MBNL2: variants seen among roughly 807,000 people sequenced by gnomAD.
MBNL2 encodes the protein muscleblind like splicing regulator 2, also known as muscleblind-like protein 2.
A neutral mutation model predicts 41.9 loss-of-function variants in MBNL2; 17 were observed. That is an observed-to-expected ratio of 0.41 (90% CI 0.28 to 0.61). The LOEUF (loss-of-function observed/expected upper bound fraction) is 0.61, where lower values mean the gene tolerates loss of function less well. Ranked by LOEUF, MBNL2 falls within the 20% of genes least tolerant of loss-of-function variation. The probability of loss-of-function intolerance (pLI) is 0.35; values close to 1 mark genes in which losing one functional copy is unlikely to be tolerated. For missense variants in MBNL2, 336 were observed against 505.6 expected (o/e 0.66, Z 3.22); for synonymous variants, 195 against 182.9 (o/e 1.07, Z -0.53).
the MBNL2 span, among the ~76,000 whole-genome samples, chr13:97,156,876 C>T: frequency 7.9e-3 from 1,210 of 152,210 alleles, 14 homozygotes; most frequent in Non-Finnish European, 0.011. Flanking sequence ...CTTGGTGATG[C>T]GGGCTCTTTT....
chr13:97,183,239 T>C, the MBNL2 span, among the ~76,000 whole-genome samples: 3 of 152,336 alleles, frequency 2.0e-5, no homozygotes, highest in Admixed American at 2.0e-4. Context: ...TGTGTCTCTC[T>C]ATCCCAACAA....
chr13:97,324,811 CTTGGAGTCCGATG>C (rs1269843360), intron 2 of MBNL2, among the ~76,000 whole-genome samples: 1 of 152,164 alleles, frequency 6.6e-6, no homozygotes, highest in African/African-American at 2.4e-5. Context: ...AACCAAAGAA[CTTGGAGTCCGATG>C]TTCGAGGGAA....
At chr13:97,157,745 C>G in the MBNL2 span, among the ~76,000 whole-genome samples, 1 of 148,052 alleles carries the variant, frequency 6.8e-6, no homozygotes, top group African/African-American at 2.5e-5. Flanking sequence ...GGGATGAAGC[C>G]CACTTGATCA....
the MBNL2 span, among the ~76,000 whole-genome samples, chr13:97,152,743 TTTTCTTGCACC>T: frequency 3.9e-5 from 6 of 152,276 alleles, no homozygotes; most frequent in Admixed American, 6.5e-5. Flanking sequence ...GTTCAAAAAT[TTTTCTTGCACC>T]TTTCTTGCAC....
intron 2 of MBNL2, among the ~76,000 whole-genome samples, chr13:97,297,226 A>G (rs187913448): frequency 1.1e-3 from 162 of 152,232 alleles, no homozygotes; most frequent in African/African-American, 3.5e-3. Context: ...CCTAACATAC[A>G]TGAGGTTCTG....
At chr13:97,192,730 G>T in the MBNL2 span, among the ~76,000 whole-genome samples, 5 of 152,168 alleles carry the variant, frequency 3.3e-5, no homozygotes. Flanking sequence ...GTGGGCCCAG[G>T]AACCTGTGGC....
chr13:97,278,870 G>C (rs1349946321), intron 2 of MBNL2, among the ~76,000 whole-genome samples: 2 of 152,166 alleles, frequency 1.3e-5, no homozygotes. Context: ...ACAGGCACAG[G>C]AGTAAAATAG....
chr13:97,185,325 G>A, the MBNL2 span, among the ~76,000 whole-genome samples: 2 of 152,138 alleles, frequency 1.3e-5, no homozygotes, highest in Non-Finnish European at 2.9e-5. Flanking sequence ...GAAATACCTT[G>A]GAATGAGAAT....
chr13:97,225,989 AT>A (rs955919272), intron 1 of MBNL2, among the ~76,000 whole-genome samples: 21 of 150,070 alleles, frequency 1.4e-4, no homozygotes, highest in Non-Finnish European at 1.9e-4. Context: ...TTAACATACT[AT>A]TTTTTTTTCT....
chr13:97,368,508 G>A (rs2064058968), intron 8 of MBNL2, among the ~76,000 whole-genome samples: 1 of 152,102 alleles, frequency 6.6e-6, no homozygotes, highest in African/African-American at 2.4e-5. Context: ...AGCCTTTTGG[G>A]CACTTAGAGA....
At chr13:97,272,440 A>G (rs1684387398) in intron 1 of MBNL2, among the ~76,000 whole-genome samples, 2 of 152,174 alleles carry the variant, frequency 1.3e-5, no homozygotes, top group African/African-American at 4.8e-5. Flanking sequence ...CGCTGTGCAG[A>G]AGCTCTTTAG....
chr13:97,158,744 C>T, the MBNL2 span, among the ~76,000 whole-genome samples: 1 of 151,962 alleles, frequency 6.6e-6, no homozygotes, highest in African/African-American at 2.4e-5. Flanking sequence ...AGTTTGATTG[C>T]ACTGTGGTCT....
intron 8 of MBNL2, among the ~76,000 whole-genome samples, chr13:97,390,333 T>G (rs1199514952): frequency 3.3e-5 from 5 of 152,176 alleles, no homozygotes; most frequent in Non-Finnish European, 7.4e-5. Context: ...GATAATACAG[T>G]ATGCTTAGGA....
chr13:97,144,096 G>C, the MBNL2 span, among the ~76,000 whole-genome samples: 1 of 152,120 alleles, frequency 6.6e-6, no homozygotes, highest in Non-Finnish European at 1.5e-5. Context: ...TGCCTTCCTC[G>C]GCCTCCCAAA....
At chr13:97,172,030 T>C in the MBNL2 span, among the ~76,000 whole-genome samples, 2 of 152,186 alleles carry the variant, frequency 1.3e-5, no homozygotes, top group African/African-American at 2.4e-5. Flanking sequence ...TTATAAATTA[T>C]CCAGTCCTGG....
At chr13:97,300,360 C>T (rs1039924758) in intron 2 of MBNL2, among the ~76,000 whole-genome samples, 4 of 152,164 alleles carry the variant, frequency 2.6e-5, no homozygotes, top group Admixed American at 2.6e-4. Context: ...GCATCCCCAA[C>T]GTTTTTGGCA....
intron 2 of MBNL2, among the ~76,000 whole-genome samples, chr13:97,308,101 T>A (rs1195919028): frequency 6.6e-6 from 1 of 152,232 alleles, no homozygotes; most frequent in Admixed American, 6.5e-5. Context: ...CATTAAAATG[T>A]CATGCAAAGA....
chr13:97,313,542 C>G (rs1419495912), intron 2 of MBNL2, among the ~76,000 whole-genome samples: 1 of 152,204 alleles, frequency 6.6e-6, no homozygotes, highest in African/African-American at 2.4e-5. Flanking sequence ...TTGACCAGGA[C>G]TTTTCCCTGC....
rs564903956 is a variant in MBNL2 at position 97,363,809 on chromosome 13, A to G, written c.1013-1327A>G. 2.0e-5 allele frequency among the ~76,000 whole-genome samples: 3 copies of G among 152,310 alleles called. No homozygotes were observed. In the South Asian group the frequency reaches 6.2e-4, roughly 32 times the overall value. On this transcript the variant is annotated intron_variant, in intron 7 of 8. Transcript: ENST00000679496. ...GAATCTGGCAGTAGCCCAGTTAAAT[A>G]GCCCCCTCCTGACTAGGTCATGTTA...
Sources: allele counts gnomAD v4.1 joint callset (sites outside exome capture counted in the v4.1 genomes callset), GRCh38; gene constraint gnomAD v4.1.1; transcripts MANE v1.5; gene names NCBI Gene and HGNC (gene_info 2026-07-23, HGNC 2026-07-21).